KANK1: variants seen among roughly 807,000 people sequenced by gnomAD.
KANK1 encodes the protein KN motif and ankyrin repeat domains 1.
A neutral mutation model predicts 106.2 loss-of-function variants in KANK1; 109 were observed. The observed-to-expected ratio is 1.03, with a 90% confidence interval of 0.88 to 1.20. KANK1 has a LOEUF of 1.20. KANK1 is among the 50% of genes most tolerant of loss of function. The pLI, the probability that KANK1 is intolerant of heterozygous loss-of-function variation, is 0.00. For missense variants in KANK1, 2,399 were observed against 1,710.7 expected (o/e 1.40, Z -7.10); for synonymous variants, 873 against 652.2 (o/e 1.34, Z -5.16).
At chr9:502,639 C>T (rs1217788399), upstream of KANK1, among the ~76,000 whole-genome samples, 1 of 151,954 alleles carries the variant, frequency 6.6e-6, no homozygotes, top group Non-Finnish European at 1.5e-5. Flanking sequence ...TCTCCTGCCT[C>T]AGCCTCCCGA....
intron 1 of KANK1, among the ~76,000 whole-genome samples, chr9:612,585 T>C (rs961838016): frequency 1.3e-5 from 2 of 152,194 alleles, no homozygotes; most frequent in Non-Finnish European, 2.9e-5. Flanking sequence ...AAAAAAGTTA[T>C]CATTTGGAAT....
chr9:739,962 A>G (rs1834956970), intron 8 of KANK1, among the ~76,000 whole-genome samples: 1 of 152,116 alleles, frequency 6.6e-6, no homozygotes, highest in Non-Finnish European at 1.5e-5. Context: ...TTTTAAAAAC[A>G]TGTCCTTAGT....
intron 1 of KANK1, among the ~76,000 whole-genome samples, chr9:589,411 T>A (rs1588067068): frequency 6.7e-6 from 1 of 149,056 alleles, no homozygotes; most frequent in South Asian, 2.2e-4. Flanking sequence ...GGTCTGGAGA[T>A]TTGCTGGAAA....
chr9:661,862 T>C (rs1843394621), intron 1 of KANK1, among the ~76,000 whole-genome samples: 1 of 133,294 alleles, frequency 7.5e-6, no homozygotes, highest in Non-Finnish European at 1.6e-5. Context: ...GATTTGCATT[T>C]CTCTGATGGC....
In KANK1 at chr9:504,766, G is replaced by GT. The variant is rs1587300030; in HGVS notation, c.-84+12_-84+13insT. 1 of 34,606 alleles carries GT rather than the reference G, an allele frequency of 2.9e-5. No homozygotes were observed. The highest frequency in any genetic ancestry group is 1.3e-4 in the African/African-American group (1 of 7,798). The allele number at this position is 34,606 out of a possible 1,614,324, so 2.1% of individuals were successfully genotyped here. On this transcript the variant is annotated intron_variant, in intron 1 of 11. Coordinates refer to ENST00000382297, the MANE Select transcript of KANK1 (RefSeq NM_015158.5). ...AGGAGCGGCCGAAGGTGAGTGACGCGGCGGGGCCGTGCCGCGCCCCGTGCC... is the reference window on the plus strand; with the variant it reads ...AGGAGCGGCCGAAGGTGAGTGACGCGTGCGGGGCCGTGCCGCGCCCCGTGCC...
rs36084554 is a variant in KANK1, at chr9:639,347, A to AC, written c.-83-37542dup. 6.6e-3 allele frequency among the ~76,000 whole-genome samples: 1,005 copies of AC among 151,904 alleles called. 12 individuals are homozygous for AC. Among genetic ancestry groups the AC allele is most frequent in the African/African-American group, 0.022 (905 of 41,386 alleles). On this transcript the variant is annotated intron_variant, in intron 1 of 11. Transcript: ENST00000382297. ...TTTATTTATTATTATTATTTTTGAG[A>AC]CAGAGACTCACTCTATCACCCGGGC... is the stretch of plus-strand genomic sequence containing the variant.
Position 647,787 on chromosome 9 carries a change from T to C in KANK1, c.-83-29103T>C, listed in dbSNP as rs918149476. Among the ~76,000 whole-genome samples, 29 of 150,734 alleles carry C rather than the reference T, an allele frequency of 1.9e-4. 1 individual carries two copies. The highest frequency in any genetic ancestry group is 1.8e-3 in the Admixed American group (27 of 15,244). The stretch of plus-strand genomic sequence containing the variant: ...CCTCAATTCTTCTGGCTCACACTTA[T>C]ATATAGCAGAGATACGAAATAGCCC... On this transcript the variant is annotated intron_variant, in intron 1 of 11. Transcript: ENST00000382297.
intron 3 of KANK1, among the ~76,000 whole-genome samples, chr9:490,329 T>C (rs1054786653): frequency 6.6e-6 from 1 of 152,042 alleles, no homozygotes; most frequent in African/African-American, 2.4e-5. Flanking sequence ...AACAAAGTGA[T>C]ACCTCATCCC....
chr9:652,348 C>G (rs370548448), intron 1 of KANK1, among the ~76,000 whole-genome samples: 1 of 152,008 alleles, frequency 6.6e-6, no homozygotes. Flanking sequence ...TGGTGAAACC[C>G]CGTATCTACT....
At chr9:587,812 T>C (rs561055880) in intron 1 of KANK1, among the ~76,000 whole-genome samples, 24 of 152,224 alleles carry the variant, frequency 1.6e-4, no homozygotes, top group Non-Finnish European at 2.9e-4. Context: ...ACTCCTGTAA[T>C]GCCAGCACTT....
At chr9:591,766 C>T (rs948542229) in intron 1 of KANK1, among the ~76,000 whole-genome samples, 1 of 151,802 alleles carries the variant, frequency 6.6e-6, no homozygotes, top group African/African-American at 2.4e-5. Context: ...TCAAGTGATT[C>T]TCCTGCCTCA....
chr9:627,329 G>C (rs1834590759), intron 1 of KANK1, among the ~76,000 whole-genome samples: 1 of 152,080 alleles, frequency 6.6e-6, no homozygotes, highest in South Asian at 2.1e-4. Flanking sequence ...GTTGGAAATA[G>C]AAGTCCTCAT....
At chr9:548,869 A>C (rs1250301925) in intron 1 of KANK1, among the ~76,000 whole-genome samples, 1 of 152,194 alleles carries the variant, frequency 6.6e-6, no homozygotes, top group Non-Finnish European at 1.5e-5. Context: ...GCTTGAGTCC[A>C]GGAGTTCGAG....
chr9:574,676 G>C (rs548066516), intron 1 of KANK1, among the ~76,000 whole-genome samples: 334 of 151,996 alleles, frequency 2.2e-3, no homozygotes, highest in Non-Finnish European at 3.7e-3. Context: ...CCAACACAAT[G>C]AAACCCCATC....
chr9:544,703 C>T (rs148226755), intron 1 of KANK1, among the ~76,000 whole-genome samples: 2 of 151,348 alleles, frequency 1.3e-5, no homozygotes, highest in Admixed American at 6.6e-5. Flanking sequence ...GAAGCTGAAA[C>T]CTGTTGGGTG....
chr9:573,426 C>A (rs191001408), intron 1 of KANK1, among the ~76,000 whole-genome samples: 1 of 152,076 alleles, frequency 6.6e-6, no homozygotes, highest in African/African-American at 2.4e-5. Context: ...CCCGCCACCA[C>A]GCGTGGCTAA....
At chr9:541,167 C>A (rs1311221171) in intron 1 of KANK1, among the ~76,000 whole-genome samples, 1 of 151,852 alleles carries the variant, frequency 6.6e-6, no homozygotes, top group African/African-American at 2.4e-5. Flanking sequence ...CATCATGCTA[C>A]TTGACTTCAA....
chr9:472,423 A>G (rs1019047074), intron 2 of KANK1, among the ~76,000 whole-genome samples: 1 of 152,180 alleles, frequency 6.6e-6, no homozygotes, highest in Admixed American at 6.5e-5. Context: ...GCTTCTTAGC[A>G]CCAGAAGAGC....
chr9:572,562 A>T (rs187046455), intron 1 of KANK1, among the ~76,000 whole-genome samples: 124 of 151,470 alleles, frequency 8.2e-4, no homozygotes, highest in African/African-American at 2.5e-3. Context: ...AAAAAAAAAA[A>T]ATTTTTTTTG....
Sources: gnomAD v4.1 joint callset for allele counts (sites outside exome capture counted in the v4.1 genomes callset) on GRCh38, gnomAD v4.1.1 for gene constraint, MANE v1.5 for transcripts, NCBI Gene and HGNC (gene_info 2026-07-23, HGNC 2026-07-21) for gene names.